The following PPP1R12C variants were observed in gnomAD, a reference collection of about 807,000 sequenced individuals.
PPP1R12C encodes protein phosphatase 1 regulatory subunit 12C, also known as leukocyte receptor cluster (LRC) encoded novel gene 3.
A neutral mutation model predicts 95.6 loss-of-function variants in PPP1R12C; 48 were observed. The ratio of observed to expected loss-of-function variants is 0.50; its 90% CI spans 0.40 to 0.64. The LOEUF (loss-of-function observed/expected upper bound fraction) is 0.64, where lower values mean the gene tolerates loss of function less well. Ranked by LOEUF, PPP1R12C falls within the 30% of genes least tolerant of loss-of-function variation. PPP1R12C has a pLI of 0.00. For synonymous variants in PPP1R12C, 480 were observed against 460.8 expected, an observed-to-expected ratio of 1.04 and a Z score of -0.53; for missense variants, 1,057 against 1,083.3, an observed-to-expected ratio of 0.98 and a Z score of 0.34.
rs1482850860 is a variant in PPP1R12C at position 55,117,522 on chromosome 19, C to T, written c.22G>A (p.Ala8Thr). 2.0e-6 allele frequency: 2 copies of T among 1,024,470 alleles called. No individual in the cohort carries two copies. Among genetic ancestry groups the T allele is most frequent in the East Asian group, 1.0e-4 (1 of 9,804 alleles). The allele number at this position is 1,024,470 out of a possible 1,614,324, so 63.5% of individuals were successfully genotyped here. A position where few individuals can be genotyped will look rare whatever the true frequency, so the allele number is the denominator to read the frequency against. The change falls in exon 1 of 22, where the codon GCG becomes ACG. Residue 8 changes from alanine (A) to threonine (T), a missense_variant. Physicochemically the swap from Ala to Thr is moderately conservative, Grantham distance 58. Coordinates refer to ENST00000263433, the MANE Select transcript of PPP1R12C (RefSeq NM_017607.4). MSGEDGP[A>T]AGPGAAAAAA... ...GCCGCCGCCGCCCCCGGGCCAGCCG[C>T]CGGGCCATCCTCTCCGGACATCGCA...
chr19:55,104,438 C>T (rs1452736160), intron 3 of PPP1R12C, among the ~76,000 whole-genome samples: 1 of 151,522 alleles, frequency 6.6e-6, no homozygotes, highest in Non-Finnish European at 1.5e-5. Context: ...CACAACGGCT[C>T]ATGCCTGTAA....
At chr19:55,112,980 G>A in intron 1 of PPP1R12C, 185 bp from the exon 2 acceptor site, 1 of 780,376 alleles carries the variant, frequency 1.3e-6, no homozygotes, top group Non-Finnish European at 2.0e-6. Flanking sequence ...GGTCAGGCCG[G>A]CCAGGCCTTC....
intron 4 of PPP1R12C, among the ~76,000 whole-genome samples, chr19:55,101,155 G>A (rs2084975230): frequency 1.3e-5 from 2 of 152,080 alleles, no homozygotes; most frequent in South Asian, 4.1e-4. Context: ...GGTTGAGGCA[G>A]GAGAATTGCT....
chr19:55,101,885 C>G (rs1281164855), intron 4 of PPP1R12C, among the ~76,000 whole-genome samples: 1 of 151,896 alleles, frequency 6.6e-6, no homozygotes, highest in African/African-American at 2.4e-5. Context: ...GGACAGCGGC[C>G]TGGAGCTGTT....
At position 55,103,604 on chromosome 19, in the gene PPP1R12C, C is replaced by T. The variant is rs2085001980; in HGVS notation, c.572-36G>A. On this transcript the variant is annotated intron_variant, in intron 3 of 21. Transcript: ENST00000263433. ...AAGAGGCACGAGGTAGGACTCACAC[C>T]CCATGACCTGAAATACCCAGGGTCA... 2.7e-6 allele frequency: 4 copies of T among 1,495,986 alleles called. No homozygotes were observed. In the South Asian group the frequency reaches 3.9e-5, roughly 14 times the overall value. 92.7% of individuals were successfully genotyped at this position (1,495,986 alleles called of 1,614,324 possible).
chr19:55,110,095 C>T (rs907834088), intron 3 of PPP1R12C, among the ~76,000 whole-genome samples: 3 of 152,160 alleles, frequency 2.0e-5, no homozygotes, highest in Non-Finnish European at 2.9e-5. Context: ...GAAAATACAA[C>T]GTCAGAAAGT....
intron 20 of PPP1R12C, 79 bp from the exon 21 acceptor site, chr19:55,091,779 C>T (rs1413541061): frequency 3.1e-6 from 5 of 1,611,690 alleles, no homozygotes; most frequent in Non-Finnish European, 4.2e-6. Flanking sequence ...CTGGGAAGGG[C>T]AATGTGGCTC....
Position 55,103,408 on chromosome 19 carries a change from C to T in PPP1R12C, c.731+1G>A. 1 of 1,501,884 alleles carries T rather than the reference C, an allele frequency of 6.7e-7. No individual in the cohort carries two copies. The allele number at this position is 1,501,884 out of a possible 1,614,324, so 93.0% of individuals were successfully genotyped here. ...AGATGGAACAGACTGGCCCAACTCA[C>T]CTCATCACCTCAATGTAGCCCTTGG... On this transcript the variant is annotated splice_donor_variant, in intron 4 of 21. Coordinates refer to ENST00000263433, the MANE Select transcript of PPP1R12C (RefSeq NM_017607.4). LOFTEE classifies it high-confidence loss of function.
At chr19:55,100,062 G>A (rs1020299566) in intron 4 of PPP1R12C, among the ~76,000 whole-genome samples, 4 of 152,244 alleles carry the variant, frequency 2.6e-5, no homozygotes, top group East Asian at 3.9e-4. Context: ...CTGGGCCCTC[G>A]CTATTTCCCC....
chr19:55,107,369 A>G (rs929956322), intron 3 of PPP1R12C, among the ~76,000 whole-genome samples: 8 of 152,098 alleles, frequency 5.3e-5, no homozygotes, highest in African/African-American at 1.9e-4. Flanking sequence ...AGTCAAGACC[A>G]TGCCACTGCA....
In PPP1R12C at chr19:55,092,423, C is replaced by G; in HGVS notation, c.2055+19G>C. 6.3e-7 allele frequency: 1 copy of G among 1,594,492 alleles called. No individual in the cohort carries two copies. Among genetic ancestry groups the G allele is most frequent in the Non-Finnish European group, 8.5e-7 (1 of 1,171,010 alleles). Reference sequence around the variant, plus strand: ...GGGCACCCAGCAGGCAAAGCCCCGACGGAGGGGTGGGATCGCACCGTCCTA... The same window carrying G: ...GGGCACCCAGCAGGCAAAGCCCCGAGGGAGGGGTGGGATCGCACCGTCCTA... On this transcript the variant is annotated intron_variant, in intron 18 of 21. Coordinates refer to ENST00000263433, the MANE Select transcript of PPP1R12C (RefSeq NM_017607.4).
intron 6 of PPP1R12C, among the ~76,000 whole-genome samples, chr19:55,098,116 G>A (rs1250192505): frequency 6.6e-6 from 1 of 152,220 alleles, no homozygotes. Flanking sequence ...GGAGCTTCCT[G>A]TCACCTCACA....
intron 6 of PPP1R12C, 75 bp downstream of exon 6, chr19:55,098,709 C>T (rs2084949267): frequency 1.9e-6 from 3 of 1,567,834 alleles, no homozygotes; most frequent in African/African-American, 2.7e-5. Flanking sequence ...GGGGGGGTTC[C>T]CCCTCTGCAC....
In PPP1R12C at chr19:55,112,599, C is replaced by T. The variant is rs557207566; in HGVS notation, c.453-14G>A. 4.2e-5 allele frequency: 68 copies of T among 1,612,348 alleles called. No individual in the cohort carries two copies. The South Asian group carries it at 5.1e-4, about 12-fold the overall frequency. On this transcript the variant is annotated splice_polypyrimidine_tract_variant and intron_variant, in intron 2 of 21. Coordinates refer to ENST00000263433, the MANE Select transcript of PPP1R12C (RefSeq NM_017607.4). ...CTCAGGAGGTACCTGGGGGTGGGGG[C>T]TGGTCAGGGCTGAGGGTCCAGGCCC... is the stretch of plus-strand genomic sequence containing the variant.
At chr19:55,091,602 AC>A (rs1568802833) in intron 21 of PPP1R12C, 44 bp from the exon 22 acceptor site, 2 of 1,598,504 alleles carry the variant, frequency 1.3e-6, no homozygotes, top group Non-Finnish European at 1.7e-6. Flanking sequence ...GGCGGGTTGC[AC>A]CCCCACCCAC....
intron 20 of PPP1R12C, 69 bp from the exon 21 acceptor site, chr19:55,091,769 C>G (rs996390316): frequency 5.0e-6 from 8 of 1,612,002 alleles, no homozygotes; most frequent in African/African-American, 4.0e-5. Flanking sequence ...CAGGGGCCAG[C>G]TGGGAAGGGC....
At chr19:55,099,897 T>C (rs1238842500) in intron 4 of PPP1R12C, among the ~76,000 whole-genome samples, 1 of 152,214 alleles carries the variant, frequency 6.6e-6, no homozygotes, top group Non-Finnish European at 1.5e-5. Context: ...AGTTTCTGTG[T>C]CAATGAGAAA....
rs751623499 is a variant in PPP1R12C at position 55,093,165 on chromosome 19, C to A, written c.1752G>T (p.Pro584=). ...AAGKAPESEK[P]AQSLDPSRRP... ...TGACCCCTCTCACCAGGCTCTGCGC[C>A]GGCTTCTCTGACTCTGGGGCCTTCC... Residue 584 remains proline, a synonymous_variant, in exon 14 of 22, where the codon CCG becomes CCT. Transcript: ENST00000263433. 1 of 1,613,620 alleles carries A rather than the reference C, an allele frequency of 6.2e-7. No individual in the cohort carries two copies. The highest frequency in any genetic ancestry group is 8.5e-7 in the Non-Finnish European group (1 of 1,179,970).
intron 3 of PPP1R12C, among the ~76,000 whole-genome samples, chr19:55,108,404 G>A (rs561545496): frequency 3.1e-4 from 47 of 151,728 alleles, no homozygotes; most frequent in Non-Finnish European, 6.8e-4. Flanking sequence ...CAAGGTGGGT[G>A]GATCACTTGA....
Sources: gnomAD v4.1 joint callset for allele counts (sites outside exome capture counted in the v4.1 genomes callset) on GRCh38, gnomAD v4.1.1 for gene constraint, MANE v1.5 for transcripts, NCBI Gene and HGNC (gene_info 2026-07-23, HGNC 2026-07-21) for gene names.